Variants in RERE observed in about 807,000 individuals in gnomAD.
RERE encodes arginine-glutamic acid dipeptide repeats protein.
In RERE, 40 loss-of-function variants were observed where a neutral mutation model predicts 146.1. The observed-to-expected ratio is 0.27, with a 90% CI of 0.21 to 0.36. The LOEUF is 0.36. Ranked by LOEUF, RERE falls within the 10% of genes least tolerant of loss-of-function variation. The pLI is 1.00. For missense variants in RERE, 1,933 were observed against 2,138.7 expected, an observed-to-expected ratio of 0.90 and a Z score of 1.90; for synonymous variants, 1,003 against 866.0, an observed-to-expected ratio of 1.16 and a Z score of -2.78.
intron 1 of RERE, among the ~76,000 whole-genome samples, chr1:8,801,978 G>C (rs936961924): frequency 6.6e-6 from 1 of 152,050 alleles, no homozygotes; most frequent in Non-Finnish European, 1.5e-5. Flanking sequence ...AATATGTTTG[G>C]AATTTTTTTA....
chr1:8,359,948 G>A lies in RERE; in HGVS notation c.3434C>T (p.Ala1145Val), dbSNP rs765145170. 9.9e-6 allele frequency: 16 copies of A among 1,613,118 alleles called. No individual in the cohort carries two copies. The highest frequency in any genetic ancestry group is 3.3e-5 in the Admixed American group (2 of 60,030). The change falls in exon 19 of 23, where the codon GCC becomes GTC. Residue 1145 changes from alanine (A) to valine (V), a missense_variant. Coordinates refer to ENST00000400908, the MANE Select transcript of RERE (RefSeq NM_001042681.2). ...AGGCATGAAGTACAGGTCTGTCCGG[G>A]CACACGAGTTGTAGCCCCGGTCCAG... Reference protein sequence around the residue: ...KHLDRGYNSCARTDLYFMPLA... With the variant: ...KHLDRGYNSCVRTDLYFMPLA...
At chr1:8,388,864 C>T (rs1570119371) in intron 12 of RERE, among the ~76,000 whole-genome samples, 1 of 152,164 alleles carries the variant, frequency 6.6e-6, no homozygotes, top group Non-Finnish European at 1.5e-5. Flanking sequence ...GGTTTAATGA[C>T]TTCTCTTCCA....
At chr1:8,366,860 C>T (rs1641819876) in intron 12 of RERE, among the ~76,000 whole-genome samples, 1 of 139,844 alleles carries the variant, frequency 7.2e-6, no homozygotes, top group Non-Finnish European at 1.5e-5. Flanking sequence ...ACACAAAAGA[C>T]GATTTCTTAA....
intron 2 of RERE, among the ~76,000 whole-genome samples, chr1:8,637,406 T>G (rs908470152): frequency 6.6e-6 from 1 of 152,140 alleles, no homozygotes; most frequent in South Asian, 2.1e-4. Context: ...CTGTACAGGT[T>G]TGATCAGGAC....
intron 4 of RERE, among the ~76,000 whole-genome samples, chr1:8,575,001 T>A (rs1646272870): frequency 6.6e-6 from 1 of 152,250 alleles, no homozygotes; most frequent in South Asian, 2.1e-4. Context: ...AAAATTTACA[T>A]ACACATATAC....
At chr1:8,749,742 GAA>G (rs919039435) in intron 1 of RERE, among the ~76,000 whole-genome samples, 2 of 151,880 alleles carry the variant, frequency 1.3e-5, no homozygotes, top group Non-Finnish European at 2.9e-5. Context: ...AGCCATGGAG[GAA>G]AAAAAATCTG....
chr1:8,452,545 T>C (rs916221212), intron 11 of RERE, among the ~76,000 whole-genome samples: 1 of 152,216 alleles, frequency 6.6e-6, no homozygotes. Flanking sequence ...TTCTAAGTCT[T>C]GTTTCCAAAA....
chr1:8,573,362 G>T (rs772599575), intron 4 of RERE, among the ~76,000 whole-genome samples: 3 of 151,414 alleles, frequency 2.0e-5, no homozygotes, highest in Non-Finnish European at 4.4e-5. Context: ...AATACATAAG[G>T]TATTATTTTG....
chr1:8,576,881 A>G (rs1646300998), intron 4 of RERE, among the ~76,000 whole-genome samples: 1 of 152,236 alleles, frequency 6.6e-6, no homozygotes, highest in Admixed American at 6.5e-5. Context: ...TTCTAAAGAT[A>G]CATTTGTGCT....
At chr1:8,810,859 G>A (rs997482641) in intron 1 of RERE, among the ~76,000 whole-genome samples, 4 of 152,072 alleles carry the variant, frequency 2.6e-5, no homozygotes, top group Non-Finnish European at 5.9e-5. Flanking sequence ...ATATTAGGAA[G>A]CCATAAATAC....
At chr1:8,679,009 G>A (rs1340727356) in intron 1 of RERE, among the ~76,000 whole-genome samples, 1 of 152,148 alleles carries the variant, frequency 6.6e-6, no homozygotes, top group Non-Finnish European at 1.5e-5. Context: ...GGTCACACTA[G>A]CCACATTTCA....
chr1:8,607,658 G>C (rs984606103), intron 4 of RERE, among the ~76,000 whole-genome samples: 3 of 136,024 alleles, frequency 2.2e-5, no homozygotes, highest in Non-Finnish European at 4.6e-5. Context: ...TAATCCTCCT[G>C]CCTCAGCCTC....
chr1:8,590,658 C>T (rs1325956909), intron 4 of RERE: 2 of 152,184 alleles, frequency 1.3e-5, no homozygotes, highest in African/African-American at 4.8e-5. Context: ...TTAAGCTTTC[C>T]AAATTGGAAC....
chr1:8,546,282 AAAAT>A (rs1183197594), intron 6 of RERE, among the ~76,000 whole-genome samples: 53 of 121,926 alleles, frequency 4.3e-4, no homozygotes, highest in Non-Finnish European at 7.2e-4. Context: ...TGCCTGGACA[AAAAT>A]AAATAAATAA....
At chr1:8,421,505 CAT>C (rs1474029731) in intron 12 of RERE, among the ~76,000 whole-genome samples, 1 of 152,144 alleles carries the variant, frequency 6.6e-6, no homozygotes, top group Non-Finnish European at 1.5e-5. Context: ...TCCATCCTAG[CAT>C]ATGAGATGCG....
intron 12 of RERE, among the ~76,000 whole-genome samples, chr1:8,392,827 G>A (rs1221418450): frequency 6.6e-6 from 1 of 152,200 alleles, no homozygotes; most frequent in Non-Finnish European, 1.5e-5. Context: ...CAAAGTTTCA[G>A]CTCTTCGTGA....
intron 1 of RERE, among the ~76,000 whole-genome samples, chr1:8,669,050 GTGTGTGTGTGTGTGTGTGTGTGTGTGTT>G (rs1638650050): frequency 7.0e-6 from 1 of 142,382 alleles, no homozygotes. Context: ...GTGTGTGTGT[GTGTGTGTGTGTGTGTGTGTGTGTGTGTT>G]GTGTTTTTAA....
chr1:8,649,923 A>G (rs1427001971), intron 2 of RERE, among the ~76,000 whole-genome samples: 1 of 152,118 alleles, frequency 6.6e-6, no homozygotes, highest in African/African-American at 2.4e-5. Flanking sequence ...AAAAGGCTAT[A>G]ACAGTATTTA....
At chr1:8,355,918 T>C (rs781000247) in intron 21 of RERE, among the ~76,000 whole-genome samples, 182 bp downstream of exon 21, 10 of 152,010 alleles carry the variant, frequency 6.6e-5, no homozygotes, top group Non-Finnish European at 1.0e-4. Flanking sequence ...TTATGACCCC[T>C]ACCCCAGACA....
Sources: gnomAD v4.1 joint callset for allele counts (sites outside exome capture counted in the v4.1 genomes callset) on GRCh38, gnomAD v4.1.1 for gene constraint, MANE v1.5 for transcripts, NCBI Gene and HGNC (gene_info 2026-07-23, HGNC 2026-07-21) for gene names.